GRIN2C: variants seen among roughly 807,000 people sequenced by gnomAD.
GRIN2C encodes glutamate receptor ionotropic, NMDA 2C.
Under a neutral mutation model 77.7 loss-of-function variants are expected in GRIN2C, and 64 were observed. The ratio of observed to expected loss-of-function variants is 0.82; its 90% CI spans 0.67 to 1.01. The LOEUF (loss-of-function observed/expected upper bound fraction) is 1.01. GRIN2C is among the 50% of genes least tolerant of loss of function. The pLI is 0.00. For synonymous variants in GRIN2C, 792 were observed against 643.4 expected (o/e 1.23, Z -3.49); for missense variants, 1,549 against 1,486.0 (o/e 1.04, Z -0.70).
In GRIN2C at chr17:74,846,953, C is replaced by T. The variant is rs755063177; in HGVS notation, c.2002-33G>A. On this transcript the variant is annotated intron_variant, in intron 9 of 12. Transcript: ENST00000293190. The surrounding 1 kb of genome is among the most constrained non-coding windows in gnomAD (Gnocchi z 4.4). ...CGGAGGGCAGCAGCCAGTCACAACC[C>T]TTCCTCCAGCCTTCCAGGCACCAAA... The T allele has an allele frequency of 6.3e-7, 1 of 1,585,064 alleles. No individual in the cohort carries two copies. Among genetic ancestry groups the T allele is most frequent in the Non-Finnish European group, 8.6e-7 (1 of 1,163,954 alleles).
upstream of GRIN2C, chr17:74,861,472 C>T (rs1389888830): frequency 6.6e-6 from 1 of 151,930 alleles, no homozygotes; most frequent in African/African-American, 2.4e-5. Flanking sequence ...CCGCGCCGGC[C>T]GCCTCCCTCG....
chr17:74,846,993 C>G lies in GRIN2C; in HGVS notation c.2002-73G>C. On this transcript the variant is annotated intron_variant, in intron 9 of 12. Transcript: ENST00000293190. This position sits in a 1 kb window ranked among gnomAD's most constrained non-coding sequence, Gnocchi z 4.4. Reference sequence around the variant, plus strand: ...CAGGCACCAAAGCCCCAAACCCACCCCAGAGCCCAGCCCCAGTGTGGACTT... The same window carrying G: ...CAGGCACCAAAGCCCCAAACCCACCGCAGAGCCCAGCCCCAGTGTGGACTT... The G allele has an allele frequency of 6.7e-7, 1 of 1,493,882 alleles. No individual in the cohort carries two copies. Among genetic ancestry groups the G allele is most frequent in the Non-Finnish European group, 9.1e-7 (1 of 1,099,332 alleles). The allele number at this position is 1,493,882 out of a possible 1,614,324, so 92.5% of individuals were successfully genotyped here. A position where few individuals can be genotyped will look rare whatever the true frequency, so the allele number is the denominator to read the frequency against.
At chr17:74,848,889 C>T (rs1293942449) in intron 7 of GRIN2C, among the ~76,000 whole-genome samples, 2 of 151,884 alleles carry the variant, frequency 1.3e-5, no homozygotes, top group Non-Finnish European at 2.9e-5. Flanking sequence ...TGGCGGCATG[C>T]ACCTGTGGTC....
At position 74,848,271 on chromosome 17, in the gene GRIN2C, G is replaced by A. The variant is rs185980705; in HGVS notation, c.1646-294C>T. ...CTTCACAACCCCTGCCTGGCCCCACGTGGATGATCTGGTGGTTCTGCCTGG... is the reference window on the plus strand; with the variant it reads ...CTTCACAACCCCTGCCTGGCCCCACATGGATGATCTGGTGGTTCTGCCTGG... On this transcript the variant is annotated intron_variant, in intron 7 of 12. Transcript: ENST00000293190. Among the ~76,000 whole-genome samples the A allele has an allele frequency of 1.2e-3, 176 of 151,942 alleles. 1 individual carries two copies. Among genetic ancestry groups the A allele is most frequent in the African/African-American group, 4.0e-3 (166 of 41,408 alleles).
chr17:74,851,607 G>T lies in GRIN2C; in HGVS notation c.1083C>A (p.Ile361=), dbSNP rs76868659. 3.1e-5 allele frequency: 48 copies of T among 1,563,622 alleles called. No individual in the cohort carries two copies. Among genetic ancestry groups the T allele is most frequent in the Non-Finnish European group, 4.2e-5 (48 of 1,152,496 alleles). The change falls in exon 4 of 13, where the codon ATC becomes ATA. Residue 361 remains isoleucine (I), a synonymous_variant. Transcript: ENST00000293190. ...CCCAGAGGCGGTGCCGGTTGAGGGC[G>T]ATCACCACCATGGTGGGCTGGACCA... ...GYLVQPTMVV[I]ALNRHRLWEM... is the part of the protein sequence containing the mutation.
At position 74,852,854 on chromosome 17, in the gene GRIN2C, T is replaced by TG. The variant is rs1178050687; in HGVS notation, c.400-244dup. On this transcript the variant is annotated intron_variant, in intron 2 of 12. Transcript: ENST00000293190. Reference sequence around the variant, plus strand: ...CGCAGACCCGCAGCATCAGCACCACTGGGGAGTTTGTCAGAAATGCAGATT... The same window carrying TG: ...CGCAGACCCGCAGCATCAGCACCACTGGGGGAGTTTGTCAGAAATGCAGATT... The TG allele has an allele frequency of 1.7e-5, 7 of 407,312 alleles. 1 individual carries two copies. The East Asian group carries it at 2.2e-4, about 13-fold the overall frequency. 25.2% of individuals were successfully genotyped at this position (407,312 alleles called of 1,614,324 possible). A position where few individuals can be genotyped will look rare whatever the true frequency, so the allele number is the denominator to read the frequency against.
rs755004928 is a variant in GRIN2C, at chr17:74,854,842, A to T, written c.251T>A (p.Leu84His). ...GCCGTGGACGTGGGCAGCACCCAGG[A>T]GGCCGCAGATCTGGGTGAGGAGGCT... ...PSSLLTQICG[L>H]LGAAHVHGIV... The change falls in exon 2 of 13, where the codon CTC becomes CAC. Residue 84 changes from leucine to histidine, a missense_variant. Leu to His is a moderately conservative substitution (Grantham distance 99, BLOSUM62 -3). Transcript: ENST00000293190. 8.7e-6 allele frequency: 14 copies of T among 1,613,614 alleles called. No homozygotes were observed. The East Asian group carries it at 3.1e-4, about 36-fold the overall frequency.
chr17:74,852,276 C>A lies in GRIN2C; in HGVS notation c.735G>T (p.Leu245=). 7.1e-7 allele frequency: 1 copy of A among 1,412,214 alleles called. No individual in the cohort carries two copies. 87.5% of individuals were successfully genotyped at this position (1,412,214 alleles called of 1,614,324 possible). The change falls in exon 3 of 13, where the codon CTG becomes CTT. Residue 245 remains leucine, a synonymous_variant. Coordinates refer to ENST00000293190, the MANE Select transcript of GRIN2C (RefSeq NM_000835.6). ...CCAGCCACACGTGGCCGGGCCCCAC[C>A]AGACCGGCCTGCGCCGCCTCGGCGA... ...VLFAEAAQAG[L]VGPGHVWLVP... is the part of the protein sequence containing the mutation.
At chr17:74,856,466 A>G (rs2144620770) in intron 1 of GRIN2C, among the ~76,000 whole-genome samples, 1 of 146,112 alleles carries the variant, frequency 6.8e-6, no homozygotes, top group East Asian at 2.0e-4. Context: ...CCTGCCACCA[A>G]ATTTCTCTCT....
Position 74,849,903 on chromosome 17 carries a change from CG to C in GRIN2C, c.1521del (p.Ile507MetfsTer14). ...CGTTCCTCATTGATGGTGAGGGAGC[CG>C]ATGGCCATGTCTGCCCGCTTGTAGT... is the stretch of plus-strand genomic sequence containing the variant. Reference protein sequence around the residue: ...EVYYKRADMAIGSLTINEERS... With the variant: ...EVYYKRADMAXGSLTINEERS... On this transcript the variant is annotated frameshift_variant, in exon 7 of 13. Coordinates refer to ENST00000293190, the MANE Select transcript of GRIN2C (RefSeq NM_000835.6). LOFTEE classifies it high-confidence loss of function. This position sits in a 1 kb window ranked among gnomAD's most constrained non-coding sequence, Gnocchi z 4.6. The C allele has an allele frequency of 6.2e-7, 1 of 1,613,524 alleles. No homozygotes were observed. Among genetic ancestry groups the C allele is most frequent in the East Asian group, 2.2e-5 (1 of 44,870 alleles).
intron 1 of GRIN2C, among the ~76,000 whole-genome samples, chr17:74,856,681 G>A (rs1328093952): frequency 1.3e-5 from 2 of 151,730 alleles, no homozygotes; most frequent in Admixed American, 6.6e-5. Context: ...GGGTTTCACC[G>A]TGTTAGCCAG....
In GRIN2C at chr17:74,850,576, C is replaced by T. The variant is rs61741745; in HGVS notation, c.1305G>A (p.Arg435=). 1.8e-3 allele frequency: 2,981 copies of T among 1,613,638 alleles called. 58 individuals are homozygous for T. The African/African-American group carries it at 0.03, about 16-fold the overall frequency. Residue 435 remains arginine, a synonymous_variant, in exon 5 of 13, where the codon AGG becomes AGA. Transcript: ENST00000293190. This position sits in a 1 kb window ranked among gnomAD's most constrained non-coding sequence, Gnocchi z 5.3. ...GCVPNTVPCR[R]QSNHTFSSGD... Reference sequence around the variant, plus strand: ...CAGACCTGAAGGTGTGGTTGCTCTGCCTGCGGCAGGGCACGGTGTTGGGGA... The same window carrying T: ...CAGACCTGAAGGTGTGGTTGCTCTGTCTGCGGCAGGGCACGGTGTTGGGGA...
At chr17:74,855,386 C>G (rs1356900634) in intron 1 of GRIN2C, among the ~76,000 whole-genome samples, 1 of 152,180 alleles carries the variant, frequency 6.6e-6, no homozygotes, top group Non-Finnish European at 1.5e-5. Flanking sequence ...TCTACTGATG[C>G]CTTCCAAAAC....
chr17:74,846,724 C>T lies in GRIN2C; in HGVS notation c.2162+36G>A, dbSNP rs772640050. The stretch of plus-strand genomic sequence containing the variant: ...TAAGGCTGGTCACTGGGGAGACACA[C>T]GGATGAAGACAGCGGGTGCAGGGCT... On this transcript the variant is annotated intron_variant, in intron 10 of 12. Coordinates refer to ENST00000293190, the MANE Select transcript of GRIN2C (RefSeq NM_000835.6). The surrounding 1 kb of genome is among the most constrained non-coding windows in gnomAD (Gnocchi z 4.4). 7.3e-5 allele frequency: 117 copies of T among 1,597,932 alleles called. No individual in the cohort carries two copies. The highest frequency in any genetic ancestry group is 1.7e-4 in the Middle Eastern group (1 of 6,022).
chr17:74,843,874 CTT>C (rs60038024), intron 12 of GRIN2C, among the ~76,000 whole-genome samples: 14 of 139,650 alleles, frequency 1.0e-4, no homozygotes, highest in Non-Finnish European at 9.3e-5. Context: ...AGGACGTTGG[CTT>C]TTTTTTTTTT....
intron 11 of GRIN2C, among the ~76,000 whole-genome samples, chr17:74,845,256 A>G (rs1363278924): frequency 7.1e-6 from 1 of 140,236 alleles, no homozygotes; most frequent in Non-Finnish European, 1.5e-5. Context: ...GGTTTGAGAA[A>G]TCAGATTTTT....
At chr17:74,855,838 G>A (rs1291038746) in intron 1 of GRIN2C, among the ~76,000 whole-genome samples, 1 of 152,378 alleles carries the variant, frequency 6.6e-6, no homozygotes, top group Admixed American at 6.5e-5. Flanking sequence ...GCCTGGCACA[G>A]AGCCCCCTCC....
Position 74,849,365 on chromosome 17 carries a change from G to A in GRIN2C, c.1645+415C>T, listed in dbSNP as rs2037559630. On this transcript the variant is annotated intron_variant, in intron 7 of 12. Transcript: ENST00000293190. This position sits in a 1 kb window ranked among gnomAD's most constrained non-coding sequence, Gnocchi z 4.6. Reference sequence around the variant, plus strand: ...ACGCTGTAGCCCCAGCACCCAGCATGGGACCTGGCTGCCCAACCAATGCCG... The same window carrying A: ...ACGCTGTAGCCCCAGCACCCAGCATAGGACCTGGCTGCCCAACCAATGCCG... Among the ~76,000 whole-genome samples the A allele has an allele frequency of 1.3e-5, 2 of 152,198 alleles. No homozygotes were observed. The highest frequency in any genetic ancestry group is 6.5e-5 in the Admixed American group (1 of 15,280).
upstream of GRIN2C, among the ~76,000 whole-genome samples, chr17:74,860,157 C>T (rs987335077): frequency 1.1e-4 from 17 of 152,286 alleles, no homozygotes; most frequent in African/African-American, 3.8e-4. Context: ...ACCTGCCTAC[C>T]TGCCCCTGGC....
Sources: gnomAD v4.1 joint callset for allele counts (sites outside exome capture counted in the v4.1 genomes callset) on GRCh38, gnomAD v4.1.1 for gene constraint, Gnocchi (gnomAD v3.1) non-coding constraint, MANE v1.5 for transcripts, NCBI Gene and HGNC (gene_info 2026-07-23, HGNC 2026-07-21) for gene names.